The following CNTNAP2 variants were observed in gnomAD, a reference collection of about 807,000 sequenced individuals.
The protein encoded by CNTNAP2 is contactin associated protein 2, also known as contactin-associated protein-like 2.
CNTNAP2 carries 98 observed loss-of-function variants against 155.2 expected under a neutral mutation model. The observed-to-expected ratio is 0.63, with a 90% CI of 0.54 to 0.75. CNTNAP2 has a LOEUF of 0.75. Among genes scored for constraint, CNTNAP2 ranks in the 30% least tolerant of loss-of-function variants. CNTNAP2 has a pLI of 0.00. For missense variants in CNTNAP2, 1,727 were observed against 1,688.1 expected (o/e 1.02, Z -0.40); for synonymous variants, 651 against 631.2 (o/e 1.03, Z -0.47).
chr7:147,764,949 T>C (rs141793103), intron 13 of CNTNAP2, among the ~76,000 whole-genome samples: 6 of 152,280 alleles, frequency 3.9e-5, no homozygotes, highest in Admixed American at 1.3e-4. Context: ...CATAGAGCCC[T>C]CTTTTGTGGC....
At chr7:147,791,103 T>C (rs1011711397) in intron 13 of CNTNAP2, among the ~76,000 whole-genome samples, 6 of 152,224 alleles carry the variant, frequency 3.9e-5, no homozygotes, top group African/African-American at 1.4e-4. Context: ...TCATTATTTT[T>C]GTCTCTTTAC....
chr7:147,481,301 A>G (rs889510183), intron 10 of CNTNAP2, among the ~76,000 whole-genome samples: 6 of 152,248 alleles, frequency 3.9e-5, no homozygotes, highest in African/African-American at 1.4e-4. Flanking sequence ...TAATTAAACA[A>G]TGTCCATAAA....
intron 1 of CNTNAP2, among the ~76,000 whole-genome samples, chr7:146,245,716 G>A (rs1799636372): frequency 6.6e-6 from 1 of 152,104 alleles, no homozygotes; most frequent in Admixed American, 6.5e-5. Context: ...TGAAGTTTGG[G>A]CTTGACTGAA....
chr7:148,106,200 A>G (rs1804213225), intron 15 of CNTNAP2, among the ~76,000 whole-genome samples: 1 of 152,158 alleles, frequency 6.6e-6, no homozygotes, highest in South Asian at 2.1e-4. Flanking sequence ...TGGAAGAAAA[A>G]TGCTTGCTTT....
At chr7:147,241,344 T>G (rs1803933449) in intron 8 of CNTNAP2, among the ~76,000 whole-genome samples, 1 of 152,110 alleles carries the variant, frequency 6.6e-6, no homozygotes, top group African/African-American at 2.4e-5. Context: ...ATCATTTTTC[T>G]CTGCCGGGCG....
At chr7:147,120,560 T>A (rs1801085358) in intron 5 of CNTNAP2, among the ~76,000 whole-genome samples, 1 of 152,204 alleles carries the variant, frequency 6.6e-6, no homozygotes, top group South Asian at 2.1e-4. Flanking sequence ...TAATAACTTG[T>A]ACGTACTTTG....
chr7:147,697,248 C>T (rs1294624417), intron 13 of CNTNAP2, among the ~76,000 whole-genome samples: 1 of 152,142 alleles, frequency 6.6e-6, no homozygotes, highest in Non-Finnish European at 1.5e-5. Context: ...ATAGCCATCT[C>T]TCAGCTGACA....
At chr7:147,078,081 C>A (rs1800029818) in intron 4 of CNTNAP2, among the ~76,000 whole-genome samples, 1 of 152,170 alleles carries the variant, frequency 6.6e-6, no homozygotes, top group African/African-American at 2.4e-5. Context: ...TTACATTTTT[C>A]TCCAATGTAT....
intron 1 of CNTNAP2, among the ~76,000 whole-genome samples, chr7:146,294,125 C>T (rs1800475852): frequency 6.6e-6 from 1 of 152,184 alleles, no homozygotes; most frequent in African/African-American, 2.4e-5. Context: ...AGCTGACAGA[C>T]AATTCGACAG....
intron 13 of CNTNAP2, among the ~76,000 whole-genome samples, chr7:147,769,892 G>C (rs1246185080): frequency 6.6e-6 from 1 of 152,144 alleles, no homozygotes; most frequent in Non-Finnish European, 1.5e-5. Flanking sequence ...CAATTTCTAG[G>C]AGTGTTGAGA....
rs187247667 is a variant in CNTNAP2 at position 147,142,629 on chromosome 7, G to A, written c.1348+10120G>A. ...GGATTCCCTCTTTTTCTATTGATTC[G>A]AATAGTTTCAGAAGGAATGGCACCA... On this transcript the variant is annotated intron_variant, in intron 8 of 23. Coordinates refer to ENST00000361727, the MANE Select transcript of CNTNAP2 (RefSeq NM_014141.6). Among the ~76,000 whole-genome samples the A allele has an allele frequency of 2.2e-4, 33 of 152,102 alleles. No individual in the cohort carries two copies. In the East Asian group the frequency reaches 5.2e-3, roughly 24 times the overall value.
chr7:146,207,109 A>T (rs1798958967), intron 1 of CNTNAP2, among the ~76,000 whole-genome samples: 1 of 151,682 alleles, frequency 6.6e-6, no homozygotes, highest in Admixed American at 6.6e-5. Context: ...AAATCTATCT[A>T]AAAAAAATCA....
chr7:148,262,039 C>T (rs1308111020), intron 20 of CNTNAP2, among the ~76,000 whole-genome samples: 1 of 152,122 alleles, frequency 6.6e-6, no homozygotes, highest in Non-Finnish European at 1.5e-5. Flanking sequence ...CAGGAAGCAA[C>T]GAGTTGATTG....
At chr7:147,602,051 C>T (rs1800957900) in intron 12 of CNTNAP2, among the ~76,000 whole-genome samples, 1 of 151,996 alleles carries the variant, frequency 6.6e-6, no homozygotes. Flanking sequence ...GTTGCAGTAT[C>T]CTTCCATCAA....
At chr7:146,950,636 T>C (rs1261265254) in intron 3 of CNTNAP2, among the ~76,000 whole-genome samples, 1 of 152,236 alleles carries the variant, frequency 6.6e-6, no homozygotes, top group African/African-American at 2.4e-5. Flanking sequence ...TTCTTTTCTA[T>C]GGCTGCATAA....
intron 8 of CNTNAP2, among the ~76,000 whole-genome samples, chr7:147,267,345 AT>A (rs1338491425): frequency 2.0e-5 from 3 of 152,238 alleles, no homozygotes; most frequent in African/African-American, 7.2e-5. Context: ...GGAAAACAGT[AT>A]TAATAATGTC....
At chr7:147,381,261 T>C (rs1371834747) in intron 9 of CNTNAP2, among the ~76,000 whole-genome samples, 1 of 152,152 alleles carries the variant, frequency 6.6e-6, no homozygotes, top group Admixed American at 6.6e-5. Flanking sequence ...ATGAGTGAGT[T>C]AGTCAGGGTC....
chr7:146,265,578 C>A (rs1338746567), intron 1 of CNTNAP2, among the ~76,000 whole-genome samples: 1 of 151,708 alleles, frequency 6.6e-6, no homozygotes, highest in Non-Finnish European at 1.5e-5. Context: ...CATGCCTCAG[C>A]CTCCTGAGTA....
At chr7:146,772,593 C>G (rs181493485) in intron 1 of CNTNAP2, among the ~76,000 whole-genome samples, 1 of 151,898 alleles carries the variant, frequency 6.6e-6, no homozygotes, top group Non-Finnish European at 1.5e-5. Flanking sequence ...CGCTTGAACC[C>G]GGGAGACAGA....
Sources: gnomAD v4.1 joint callset for allele counts (sites outside exome capture counted in the v4.1 genomes callset) on GRCh38, gnomAD v4.1.1 for gene constraint, MANE v1.5 for transcripts, NCBI Gene and HGNC (gene_info 2026-07-23, HGNC 2026-07-21) for gene names.